Variants in ADK observed in about 807,000 individuals in gnomAD.
ADK encodes adenosine kinase.
In ADK, 24 loss-of-function variants were observed where a neutral mutation model predicts 44.7. That is an observed-to-expected ratio of 0.54 (90% CI 0.39 to 0.76). The LOEUF is 0.76. Among genes scored for constraint, ADK ranks in the 30% least tolerant of loss-of-function variants. ADK has a pLI of 0.00. For missense variants in ADK, 321 were observed against 425.1 expected (o/e 0.76, Z 2.15); for synonymous variants, 128 against 142.6 (o/e 0.90, Z 0.73).
chr10:74,278,521 C>T (rs570838444), intron 3 of ADK, among the ~76,000 whole-genome samples: 1 of 152,122 alleles, frequency 6.6e-6, no homozygotes, highest in South Asian at 2.1e-4. Flanking sequence ...GTAATGTGAA[C>T]TTAAATAATT....
intron 10 of ADK, among the ~76,000 whole-genome samples, chr10:74,702,153 G>T (rs552715900): frequency 6.6e-6 from 1 of 151,910 alleles, no homozygotes; most frequent in South Asian, 2.1e-4. Context: ...TCTGGGAGGG[G>T]GTTGGGACTT....
intron 10 of ADK, among the ~76,000 whole-genome samples, chr10:74,682,508 C>A (rs1029048444): frequency 1.3e-5 from 2 of 152,022 alleles, no homozygotes; most frequent in Admixed American, 1.3e-4. Flanking sequence ...AAATTGACTT[C>A]CTGTACATGT....
chr10:74,468,227 A>G (rs1004529400), intron 6 of ADK, among the ~76,000 whole-genome samples: 15 of 152,204 alleles, frequency 9.9e-5, no homozygotes, highest in Non-Finnish European at 8.8e-5. Context: ...GACAAAGGCT[A>G]TGCCTTAACT....
chr10:74,163,320 C>T (rs1841953920), intron 1 of ADK, among the ~76,000 whole-genome samples: 1 of 152,166 alleles, frequency 6.6e-6, no homozygotes, highest in African/African-American at 2.4e-5. Context: ...ATTCTTTCTT[C>T]TTTTAATATA....
At chr10:74,215,650 T>C (rs1564597809) in intron 2 of ADK, among the ~76,000 whole-genome samples, 1 of 146,964 alleles carries the variant, frequency 6.8e-6, no homozygotes, top group African/African-American at 2.5e-5. Flanking sequence ...CTTTATATAA[T>C]ACTGATAAAT....
At chr10:74,596,404 G>A (rs1036772379) in intron 8 of ADK, among the ~76,000 whole-genome samples, 3 of 152,080 alleles carry the variant, frequency 2.0e-5, no homozygotes, top group Non-Finnish European at 2.9e-5. Context: ...TTGATTGATT[G>A]TTTTGAGACA....
At position 74,524,146 on chromosome 10, in the gene ADK, G is replaced by A. The variant is rs1268740605; in HGVS notation, c.556-1110G>A. Among the ~76,000 whole-genome samples, 5 of 151,984 alleles carry A rather than the reference G, an allele frequency of 3.3e-5. No individual in the cohort carries two copies. The East Asian group carries it at 9.7e-4, about 29-fold the overall frequency. On this transcript the variant is annotated intron_variant, in intron 6 of 10. Coordinates refer to ENST00000539909, the MANE Select transcript of ADK (RefSeq NM_006721.4). ...TATATACATGTATGTCTTTGCTTAT[G>A]CTTTCCTCTAGAAAGCATGAATATG... is the stretch of plus-strand genomic sequence containing the variant.
At chr10:74,195,544 TGC>T (rs1199821828) in intron 1 of ADK, among the ~76,000 whole-genome samples, 2 of 152,040 alleles carry the variant, frequency 1.3e-5, no homozygotes, top group Non-Finnish European at 2.9e-5. Context: ...AGTGCAATGG[TGC>T]AATTACAGCT....
At chr10:74,580,748 G>C (rs1334095779) in intron 7 of ADK, among the ~76,000 whole-genome samples, 2 of 152,028 alleles carry the variant, frequency 1.3e-5, no homozygotes, top group Non-Finnish European at 2.9e-5. Context: ...GCCCAGTCTT[G>C]GGTATGTCTT....
chr10:74,200,623 A>C (rs1315776993), intron 1 of ADK, 141 bp from the exon 2 acceptor site: 1 of 681,834 alleles, frequency 1.5e-6, no homozygotes, highest in African/African-American at 1.8e-5. Flanking sequence ...TACGTATAAT[A>C]GGCAAATCAA....
At chr10:74,605,604 A>G (rs1021178124) in intron 9 of ADK, among the ~76,000 whole-genome samples, 2 of 152,148 alleles carry the variant, frequency 1.3e-5, no homozygotes, top group African/African-American at 2.4e-5. Flanking sequence ...CGACTTGATC[A>G]TGATAGATAA....
rs747069096 is a variant in ADK at position 74,525,251 on chromosome 10, TC to T, written c.556-3del. 4 of 1,613,652 alleles carry T rather than the reference TC, an allele frequency of 2.5e-6. No individual in the cohort carries two copies. In the African/African-American group the frequency reaches 5.3e-5, roughly 22 times the overall value. ...CTAATTTTCCCTCCTTTTTTCTTCA[TC>T]CAGGGCTTTTTTCTTACAGTTTCCC... On this transcript the variant is annotated splice_region_variant and splice_polypyrimidine_tract_variant and intron_variant, in intron 6 of 10. Transcript: ENST00000539909.
chr10:74,263,940 T>G (rs1166475446), intron 3 of ADK, among the ~76,000 whole-genome samples: 1 of 152,212 alleles, frequency 6.6e-6, no homozygotes, highest in Non-Finnish European at 1.5e-5. Flanking sequence ...GAAACACTAC[T>G]GTGTTTAAGG....
chr10:74,642,604 C>A (rs1589325916), intron 9 of ADK, among the ~76,000 whole-genome samples: 1 of 151,864 alleles, frequency 6.6e-6, no homozygotes, highest in African/African-American at 2.4e-5. Context: ...TCATCTTTAC[C>A]ATATTCCCTC....
intron 1 of ADK, among the ~76,000 whole-genome samples, chr10:74,160,190 C>G (rs1841851579): frequency 6.6e-6 from 1 of 152,200 alleles, no homozygotes; most frequent in East Asian, 1.9e-4. Context: ...GTGGAATCAG[C>G]TTTCCGTAAG....
chr10:74,300,311 T>TTCCTTCCTTCCTTCC (rs1839978628), intron 3 of ADK, among the ~76,000 whole-genome samples: 1 of 67,116 alleles, frequency 1.5e-5, no homozygotes, highest in African/African-American at 6.7e-5. Context: ...TCCTTCCTTC[T>TTCCTTCCTTCCTTCC]TTCCTTCCTT....
intron 9 of ADK, among the ~76,000 whole-genome samples, chr10:74,668,134 A>AG (rs1324927178): frequency 4.6e-5 from 7 of 152,186 alleles, no homozygotes; most frequent in African/African-American, 1.7e-4. Context: ...TTACTTATTT[A>AG]GTACCTGTTT....
intron 5 of ADK, 45 bp from the exon 6 acceptor site, chr10:74,398,426 T>G: frequency 7.5e-7 from 1 of 1,336,408 alleles, no homozygotes; most frequent in Non-Finnish European, 1.1e-6. Flanking sequence ...AAACATATGC[T>G]AAGTTTGACT....
intron 7 of ADK, among the ~76,000 whole-genome samples, chr10:74,579,644 C>T (rs1420835316): frequency 6.6e-6 from 1 of 152,058 alleles, no homozygotes; most frequent in African/African-American, 2.4e-5. Flanking sequence ...ACCCAGTGGC[C>T]CAACTGAATG....
Sources: gnomAD v4.1 joint callset for allele counts (sites outside exome capture counted in the v4.1 genomes callset) on GRCh38, gnomAD v4.1.1 for gene constraint, MANE v1.5 for transcripts, NCBI Gene and HGNC (gene_info 2026-07-23, HGNC 2026-07-21) for gene names.